The following IPO11 variants were observed in gnomAD, a reference collection of about 807,000 sequenced individuals.
IPO11 encodes importin-11.
IPO11 carries 66 observed loss-of-function variants against 143.2 expected under a neutral mutation model. The ratio of observed to expected loss-of-function variants is 0.46; its 90% CI spans 0.38 to 0.57. The LOEUF (loss-of-function observed/expected upper bound fraction) is 0.57, where lower values mean the gene tolerates loss of function less well. Among genes scored for constraint, IPO11 ranks in the 20% least tolerant of loss-of-function variants. The pLI, the probability that IPO11 is intolerant of heterozygous loss-of-function variation, is 0.00. For missense variants in IPO11, 1,026 were observed against 1,141.0 expected (o/e 0.90, Z 1.45); for synonymous variants, 385 against 377.8 (o/e 1.02, Z -0.22).
At chr5:62,578,792 TAA>T (rs746071621) in intron 27 of IPO11, 13,570 of 327,178 alleles carry the variant, frequency 0.041, no homozygotes, top group South Asian at 0.06. Context: ...AACGGTGACT[TAA>T]AAAAAAAAAA....
At chr5:62,501,532 G>T (rs535368169) in intron 16 of IPO11, among the ~76,000 whole-genome samples, 1 of 152,178 alleles carries the variant, frequency 6.6e-6, no homozygotes, top group African/African-American at 2.4e-5. Flanking sequence ...GAAAGGAGAT[G>T]AATTTATTTA....
intron 27 of IPO11, among the ~76,000 whole-genome samples, chr5:62,588,982 G>A (rs1244820575): frequency 7.5e-6 from 1 of 133,248 alleles, no homozygotes; most frequent in East Asian, 2.1e-4. Context: ...AATTCAAAAT[G>A]CAGGAACTTC....
intron 27 of IPO11, among the ~76,000 whole-genome samples, chr5:62,569,951 G>A (rs146540081): frequency 1.4e-3 from 207 of 152,236 alleles, no homozygotes; most frequent in Non-Finnish European, 2.4e-3. Flanking sequence ...ACCCTTTGAT[G>A]CAGCTTTTAT....
At chr5:62,580,005 C>T in intron 27 of IPO11, 1 of 1,551,212 alleles carries the variant, frequency 6.4e-7, no homozygotes, top group Non-Finnish European at 8.7e-7. Flanking sequence ...ATTTATCAAA[C>T]AATAACATTT....
At chr5:62,597,548 T>C (rs1745270171) in intron 28 of IPO11, among the ~76,000 whole-genome samples, 1 of 152,196 alleles carries the variant, frequency 6.6e-6, no homozygotes, top group African/African-American at 2.4e-5. Flanking sequence ...TTTGGACACA[T>C]GTTCAACAGT....
At chr5:62,569,857 A>T (rs541228713) in intron 27 of IPO11, among the ~76,000 whole-genome samples, 4 of 152,342 alleles carry the variant, frequency 2.6e-5, no homozygotes, top group African/African-American at 9.6e-5. Context: ...TCTTTACATT[A>T]TGTATGTTTT....
chr5:62,586,688 T>C (rs1744784404), intron 27 of IPO11, among the ~76,000 whole-genome samples: 2 of 144,238 alleles, frequency 1.4e-5, no homozygotes, highest in African/African-American at 2.6e-5. Context: ...GAGGTGGAGA[T>C]TGTGGTGAGC....
rs181305064 is a variant in IPO11 at position 62,484,194 on chromosome 5, T to G, written c.1174+32T>G. ...ATTAATTTTTTAGTGTTAGAATGAC[T>G]TTTCTCCCCTTTCTATAAATATCTG... On this transcript the variant is annotated intron_variant, in intron 11 of 29. Coordinates refer to ENST00000325324, the MANE Select transcript of IPO11 (RefSeq NM_016338.5). The G allele has an allele frequency of 6.4e-4, 985 of 1,535,962 alleles. 5 individuals are homozygous for G. In the African/African-American group the frequency reaches 0.012, roughly 19 times the overall value.
At chr5:62,587,878 A>G (rs1200200302) in intron 27 of IPO11, among the ~76,000 whole-genome samples, 1 of 152,176 alleles carries the variant, frequency 6.6e-6, no homozygotes, top group Non-Finnish European at 1.5e-5. Flanking sequence ...TGGAGCGACA[A>G]TTTGAGGCCC....
At chr5:62,431,810 G>C (rs1395218001) in intron 1 of IPO11, among the ~76,000 whole-genome samples, 3 of 152,140 alleles carry the variant, frequency 2.0e-5, no homozygotes, top group East Asian at 3.9e-4. Context: ...GCTTGGTGGT[G>C]CCCGCCTATA....
chr5:62,435,633 T>C (rs574001211), intron 1 of IPO11, among the ~76,000 whole-genome samples: 28 of 151,026 alleles, frequency 1.9e-4, no homozygotes, highest in Admixed American at 7.9e-4. Flanking sequence ...CCCAGCACTT[T>C]GGGTGGCCAA....
chr5:62,554,168 G>A (rs948354128), intron 26 of IPO11, among the ~76,000 whole-genome samples: 1 of 152,108 alleles, frequency 6.6e-6, no homozygotes, highest in Non-Finnish European at 1.5e-5. Flanking sequence ...TGTGTATTTC[G>A]GATAGTAATC....
At chr5:62,570,718 CAG>C (rs994057069) in intron 27 of IPO11, among the ~76,000 whole-genome samples, 28 of 152,328 alleles carry the variant, frequency 1.8e-4, no homozygotes, top group Admixed American at 9.1e-4. Flanking sequence ...TATCTAGGAA[CAG>C]TGCCCTGTCT....
intron 27 of IPO11, among the ~76,000 whole-genome samples, chr5:62,573,679 G>C (rs1744220945): frequency 6.6e-6 from 1 of 152,204 alleles, no homozygotes; most frequent in Non-Finnish European, 1.5e-5. Context: ...GCTGTGAAAA[G>C]GTTAGCAATT....
At chr5:62,586,392 A>G (rs564241974) in intron 27 of IPO11, among the ~76,000 whole-genome samples, 14 of 152,086 alleles carry the variant, frequency 9.2e-5, no homozygotes, top group Non-Finnish European at 1.9e-4. Context: ...AGAGTATTTT[A>G]TCTTCATTTT....
intron 3 of IPO11, among the ~76,000 whole-genome samples, chr5:62,446,632 T>C (rs949071081): frequency 6.6e-6 from 1 of 152,224 alleles, no homozygotes; most frequent in African/African-American, 2.4e-5. Context: ...TATGAGACTT[T>C]TATTTTGGAT....
intron 24 of IPO11, among the ~76,000 whole-genome samples, chr5:62,542,262 A>C (rs1029959342): frequency 1.3e-5 from 2 of 152,124 alleles, no homozygotes; most frequent in Non-Finnish European, 2.9e-5. Flanking sequence ...GTTTGGTTTA[A>C]AAATCTCAGA....
intron 21 of IPO11, among the ~76,000 whole-genome samples, chr5:62,530,490 T>C (rs1742508939): frequency 6.6e-6 from 1 of 152,234 alleles, no homozygotes. Context: ...GTTACTTTCC[T>C]TACTACCTTT....
chr5:62,481,147 T>G (rs1746195595), intron 9 of IPO11, among the ~76,000 whole-genome samples: 1 of 152,066 alleles, frequency 6.6e-6, no homozygotes, highest in Non-Finnish European at 1.5e-5. Context: ...CTCGATCTCC[T>G]GATCTTGTGA....
Sources: allele counts gnomAD v4.1 joint callset (sites outside exome capture counted in the v4.1 genomes callset), GRCh38; gene constraint gnomAD v4.1.1; transcripts MANE v1.5; gene names NCBI Gene and HGNC (gene_info 2026-07-23, HGNC 2026-07-21).